DAB1: variants seen among roughly 807,000 people sequenced by gnomAD.
The protein encoded by DAB1 is DAB adaptor protein 1, also known as disabled homolog 1.
A neutral mutation model predicts 64.6 loss-of-function variants in DAB1; 15 were observed. The ratio of observed to expected loss-of-function variants is 0.23; its 90% confidence interval spans 0.16 to 0.36. The LOEUF (loss-of-function observed/expected upper bound fraction) is 0.36, where lower values mean the gene tolerates loss of function less well. DAB1 is among the 10% of genes least tolerant of loss of function. DAB1 has a pLI of 1.00. For missense variants in DAB1, 596 were observed against 706.7 expected (o/e 0.84, Z 1.78); for synonymous variants, 235 against 251.9 (o/e 0.93, Z 0.64).
At chr1:58,176,477 G>A (rs1473221499) in intron 4 of DAB1, among the ~76,000 whole-genome samples, 2 of 152,176 alleles carry the variant, frequency 1.3e-5, no homozygotes, top group Non-Finnish European at 2.9e-5. Flanking sequence ...CTGGGACTGA[G>A]TAATGTGTAA....
At chr1:57,203,376 A>T in intron 2 of DAB1, among the ~76,000 whole-genome samples, 1 of 152,152 alleles carries the variant, frequency 6.6e-6, no homozygotes, top group Admixed American at 6.5e-5. Context: ...GGGGACAAGG[A>T]AAGTGAAGTG....
chr1:57,831,980 GGA>G (rs1278448548), intron 1 of DAB1, among the ~76,000 whole-genome samples: 1 of 152,090 alleles, frequency 6.6e-6, no homozygotes, highest in Non-Finnish European at 1.5e-5. Flanking sequence ...ACATTCCAGT[GGA>G]GAAGACACAT....
At chr1:57,326,417 A>G (rs1285565153) in intron 1 of DAB1, among the ~76,000 whole-genome samples, 1 of 152,158 alleles carries the variant, frequency 6.6e-6, no homozygotes, top group African/African-American at 2.4e-5. Context: ...TTGAAAATTG[A>G]TTCTACGGAC....
chr1:57,599,763 G>A (rs1052914604), intron 7 of DAB1, among the ~76,000 whole-genome samples: 5 of 152,060 alleles, frequency 3.3e-5, no homozygotes, highest in Admixed American at 6.6e-5. Context: ...CCCTGAGGAG[G>A]CACATAGCCT....
chr1:58,352,542 G>A (rs929773591), intron 3 of DAB1, among the ~76,000 whole-genome samples: 4 of 151,886 alleles, frequency 2.6e-5, no homozygotes, highest in Non-Finnish European at 4.4e-5. Context: ...AGCTAATAGG[G>A]GTAGGTCTAA....
chr1:57,934,499 C>A (rs1335827425), intron 5 of DAB1, among the ~76,000 whole-genome samples: 2 of 152,116 alleles, frequency 1.3e-5, no homozygotes, highest in African/African-American at 4.8e-5. Context: ...TGCCAAGGAT[C>A]CTTCCAAGCA....
At chr1:58,109,701 A>C (rs1331569253) in intron 5 of DAB1, among the ~76,000 whole-genome samples, 1 of 151,794 alleles carries the variant, frequency 6.6e-6, no homozygotes, top group Non-Finnish European at 1.5e-5. Flanking sequence ...GATGAGTTAC[A>C]CTCCCAGCCA....
intron 4 of DAB1, among the ~76,000 whole-genome samples, chr1:58,153,563 C>T (rs1332224918): frequency 6.6e-6 from 1 of 152,028 alleles, no homozygotes; most frequent in African/African-American, 2.4e-5. Context: ...TGAAATACAT[C>T]AAAATGTGAA....
intron 3 of DAB1, among the ~76,000 whole-genome samples, chr1:57,144,190 C>G (rs988239322): frequency 6.6e-6 from 1 of 151,828 alleles, no homozygotes; most frequent in Admixed American, 6.6e-5. Context: ...TTCCATAATG[C>G]ACATAAGTGA....
At chr1:57,974,444 T>C (rs1645871149) in intron 5 of DAB1, among the ~76,000 whole-genome samples, 1 of 152,106 alleles carries the variant, frequency 6.6e-6, no homozygotes, top group African/African-American at 2.4e-5. Context: ...TGGACACAAA[T>C]ACTTACCAAT....
At chr1:57,755,170 C>T (rs1252486281) in intron 6 of DAB1, among the ~76,000 whole-genome samples, 1 of 151,908 alleles carries the variant, frequency 6.6e-6, no homozygotes, top group African/African-American at 2.4e-5. Context: ...TTTTCTTGGC[C>T]GTTTCCTGTT....
rs140482544 is a variant in DAB1 at position 58,080,576 on chromosome 1, G to A, written n.387+69935C>T. On this transcript the variant is annotated intron_variant and non_coding_transcript_variant, in intron 5 of 20. Coordinates refer to the DAB1 transcript ENST00000485760. Reference sequence around the variant, plus strand: ...GAGTAAGAGAGAAAAGAATATTCAAGGAGTAAATCAACTTGAAGCTCCAAG... The same window carrying A: ...GAGTAAGAGAGAAAAGAATATTCAAAGAGTAAATCAACTTGAAGCTCCAAG... 9.8e-3 allele frequency among the ~76,000 whole-genome samples: 1,498 copies of A among 152,324 alleles called. 60 individuals are homozygous for A. The highest frequency in any genetic ancestry group is 0.028 in the Admixed American group (430 of 15,304).
chr1:58,474,236 G>C (rs1645396568), intron 3 of DAB1, among the ~76,000 whole-genome samples: 1 of 152,136 alleles, frequency 6.6e-6, no homozygotes, highest in African/African-American at 2.4e-5. Context: ...TACAGGTGAG[G>C]ATAAACTGAG....
At chr1:58,105,194 C>G (rs1383091103) in intron 5 of DAB1, among the ~76,000 whole-genome samples, 1 of 152,214 alleles carries the variant, frequency 6.6e-6, no homozygotes, top group Non-Finnish European at 1.5e-5. Context: ...GGTCACAGAA[C>G]AGTTCCTCGT....
At chr1:57,185,627 C>T (rs554744623) in intron 2 of DAB1, among the ~76,000 whole-genome samples, 1 of 152,248 alleles carries the variant, frequency 6.6e-6, no homozygotes, top group South Asian at 2.1e-4. Flanking sequence ...TAAAAAGGGA[C>T]ATCCTCTTGG....
At chr1:58,239,110 C>G (rs1660178731) in intron 4 of DAB1, among the ~76,000 whole-genome samples, 1 of 152,136 alleles carries the variant, frequency 6.6e-6, no homozygotes, top group East Asian at 1.9e-4. Flanking sequence ...ACCCAACACC[C>G]CTTAATAAAT....
intron 1 of DAB1, among the ~76,000 whole-genome samples, chr1:57,339,137 CT>C (rs5774338): frequency 0.52 from 74,950 of 145,074 alleles, 19,771 homozygotes; most frequent in Non-Finnish European, 0.56. Context: ...CGGCTTCTTT[CT>C]TTTTTTTTTT....
chr1:57,567,777 G>T (rs1408043764), intron 7 of DAB1, among the ~76,000 whole-genome samples: 2 of 152,034 alleles, frequency 1.3e-5, no homozygotes, highest in Non-Finnish European at 2.9e-5. Flanking sequence ...AAATAAAAGA[G>T]GACACAAACA....
At chr1:57,890,405 AT>A (rs371433190) in intron 5 of DAB1, among the ~76,000 whole-genome samples, 3 of 142,310 alleles carry the variant, frequency 2.1e-5, no homozygotes, top group Non-Finnish European at 3.1e-5. Context: ...ATGCTGTCCC[AT>A]TTTTTTTCTT....
Sources: allele counts gnomAD v4.1 joint callset (sites outside exome capture counted in the v4.1 genomes callset), GRCh38; gene constraint gnomAD v4.1.1; transcripts MANE v1.5; gene names NCBI Gene and HGNC (gene_info 2026-07-23, HGNC 2026-07-21).